GPR174: variants seen among roughly 807,000 people sequenced by gnomAD.
GPR174 encodes probable G protein-coupled receptor 174.
A neutral mutation model predicts 16.5 loss-of-function variants in GPR174; 8 were observed. That is an observed-to-expected ratio of 0.48 (90% CI 0.28 to 0.87). The LOEUF (loss-of-function observed/expected upper bound fraction) is 0.87. Ranked by LOEUF, GPR174 falls within the 40% of genes least tolerant of loss-of-function variation. The pLI, the probability that GPR174 is intolerant of heterozygous loss-of-function variation, is 0.09. For missense variants in GPR174, 214 were observed against 247.5 expected (o/e 0.86, Z 0.91); for synonymous variants, 111 against 94.8 (o/e 1.17, Z -0.99).
intron 1 of GPR174, among the ~76,000 whole-genome samples, chrX:79,155,813 G>T (rs1921082915): frequency 9.0e-6 from 1 of 111,682 alleles, no homozygotes; most frequent in Non-Finnish European, 1.9e-5. Flanking sequence ...GTGTTAAAAG[G>T]ATTAGCTTGA....
chrX:79,147,910 T>C (rs1227695644), intron 1 of GPR174, among the ~76,000 whole-genome samples: 2 of 111,921 alleles, frequency 1.8e-5, no homozygotes, highest in African/African-American at 6.5e-5. Context: ...TCTGGTATAG[T>C]CTTTGAAAGG....
At chrX:79,159,253 G>T (rs758976604) in intron 2 of GPR174, among the ~76,000 whole-genome samples, 81 of 111,345 alleles carry the variant, frequency 7.3e-4, no homozygotes, top group Non-Finnish European at 1.3e-3. Context: ...GTTAGAGAGA[G>T]AGAGTAAAAG....
At position 79,172,004 on chromosome X, in the gene GPR174, T is replaced by C. The variant is rs749519751; in HGVS notation, c.997T>C (p.Cys333Arg). Residue 333 changes from cysteine to arginine, a missense_variant, in exon 3 of 3, where the codon TGC becomes CGC. By Grantham distance (180) the Cys-to-Arg change is radical. Coordinates refer to ENST00000645147, the MANE Select transcript of GPR174 (RefSeq NM_032553.3). The stretch of plus-strand genomic sequence containing the variant: ...AGCTTCCACCATGACACCTGAATTA[T>C]GCTAAAACAAAAAACCAAACTGAAT... ...HTASTMTPELC is the reference protein window; with the variant it reads ...HTASTMTPELR 1.6e-5 allele frequency: 19 copies of C among 1,180,783 alleles called. No individual in the cohort carries two copies. Among genetic ancestry groups the C allele is most frequent in the Middle Eastern group, 2.4e-4 (1 of 4,179 alleles).
In GPR174 at chrX:79,173,732, G is replaced by T. The variant is rs1417731140; in HGVS notation, c.*1723G>T. Reference sequence around the variant, plus strand: ...TACCCTATTAGAAAACTGACTTTGTGCTGCTAGCAAGTGTATCTATGTGTC... The same window carrying T: ...TACCCTATTAGAAAACTGACTTTGTTCTGCTAGCAAGTGTATCTATGTGTC... On this transcript the variant is annotated 3_prime_UTR_variant, in exon 3 of 3. Transcript: ENST00000645147. 1 of 112,266 alleles carries T rather than the reference G, an allele frequency of 8.9e-6. No homozygotes were observed. The highest frequency in any genetic ancestry group is 1.9e-5 in the Non-Finnish European group (1 of 53,215). 9.3% of individuals were successfully genotyped at this position (112,266 alleles called of 1,213,427 possible). A position where few individuals can be genotyped will look rare whatever the true frequency, so the allele number is the denominator to read the frequency against.
chrX:79,166,427 T>A (rs1286037618), intron 2 of GPR174, among the ~76,000 whole-genome samples: 22 of 80,693 alleles, frequency 2.7e-4, no homozygotes, highest in African/African-American at 9.6e-4. Flanking sequence ...TTTCTTTTCT[T>A]TTTTCTTTTT....
chrX:79,170,119 G>A (rs1357403402), intron 2 of GPR174, among the ~76,000 whole-genome samples: 2 of 111,539 alleles, frequency 1.8e-5, no homozygotes, highest in Admixed American at 9.5e-5. Context: ...CTTCTCAAAT[G>A]TTAATACGCA....
rs1424713723 is a variant in GPR174, at chrX:79,144,996, C to CTTTCTTTCTT, written c.-874_-873insTTCTTTCTTT. 5.5e-5 allele frequency: 4 copies of CTTTCTTTCTT among 72,122 alleles called. No individual in the cohort carries two copies. Among genetic ancestry groups the CTTTCTTTCTT allele is most frequent in the Non-Finnish European group, 8.1e-5 (3 of 36,928 alleles). The allele number at this position is 72,122 out of a possible 1,213,427, so 5.9% of individuals were successfully genotyped here. On this transcript the variant is annotated 5_prime_UTR_variant, in exon 1 of 3. Transcript: ENST00000645147. ...TCTTTCTTTTTCTTTCTTTCTTTCTCTCTCTCTCTCTTTCTTTCTTTCTTT... is the reference window on the plus strand; with the variant it reads ...TCTTTCTTTTTCTTTCTTTCTTTCTCTTTCTTTCTTTCTCTCTCTCTTTCTTTCTTTCTTT...
chrX:79,150,211 C>T (rs1169837046), intron 1 of GPR174, among the ~76,000 whole-genome samples: 1 of 111,475 alleles, frequency 9.0e-6, no homozygotes, highest in Non-Finnish European at 1.9e-5. Context: ...CAGAGTAAAA[C>T]TATAGGCTAA....
At chrX:79,169,228 T>A (rs919101926) in intron 2 of GPR174, among the ~76,000 whole-genome samples, 2 of 111,824 alleles carry the variant, frequency 1.8e-5, no homozygotes, top group African/African-American at 6.5e-5. Flanking sequence ...CCAAGGAGCT[T>A]GGCATTTCCT....
rs904206735 is a variant in GPR174 at position 79,172,195 on chromosome X, T to A, written c.*186T>A. 4 of 424,188 alleles carry A rather than the reference T, an allele frequency of 9.4e-6. No individual in the cohort carries two copies. The South Asian group carries it at 2.4e-4, about 25-fold the overall frequency. The allele number at this position is 424,188 out of a possible 1,213,427, so 35.0% of individuals were successfully genotyped here. On this transcript the variant is annotated 3_prime_UTR_variant, in exon 3 of 3. Transcript: ENST00000645147. Reference sequence around the variant, plus strand: ...GAGCATTACGATCCACGATTATTGATGTTGACATGTCCATGTAGTAATTTT... The same window carrying A: ...GAGCATTACGATCCACGATTATTGAAGTTGACATGTCCATGTAGTAATTTT...
rs1262177901 is a variant in GPR174 at position 79,144,813 on chromosome X, T to A, written c.-1058T>A. On this transcript the variant is annotated 5_prime_UTR_variant, in exon 1 of 3. Coordinates refer to ENST00000645147, the MANE Select transcript of GPR174 (RefSeq NM_032553.3). ...TTCCTTTTGCTTTCATAATTTTTCTTTTGGCTTTCTTTTATTTTGTATTAT... is the reference window on the plus strand; with the variant it reads ...TTCCTTTTGCTTTCATAATTTTTCTATTGGCTTTCTTTTATTTTGTATTAT... The A allele has an allele frequency of 2.7e-5, 3 of 111,300 alleles. No homozygotes were observed. Among genetic ancestry groups the A allele is most frequent in the Non-Finnish European group, 5.7e-5 (3 of 52,908 alleles). 9.2% of individuals were successfully genotyped at this position (111,300 alleles called of 1,213,427 possible).
intron 2 of GPR174, among the ~76,000 whole-genome samples, chrX:79,169,840 G>C (rs1360211867): frequency 4.5e-5 from 5 of 111,697 alleles, no homozygotes; most frequent in African/African-American, 1.3e-4. Context: ...CCTGTAAATG[G>C]GATTATTTAA....
Position 79,174,788 on chromosome X carries a change from C to T in GPR174, c.*2779C>T, listed in dbSNP as rs1921603055. ...AGTACTGGTGCAGCTACGATCCAGA[C>T]AGCAGCCTGTTCTCTGAGCTTCTCC... is the stretch of plus-strand genomic sequence containing the variant. On this transcript the variant is annotated 3_prime_UTR_variant, in exon 3 of 3. Coordinates refer to ENST00000645147, the MANE Select transcript of GPR174 (RefSeq NM_032553.3). 9.0e-6 allele frequency: 1 copy of T among 111,341 alleles called. No homozygotes were observed. Among genetic ancestry groups the T allele is most frequent in the Non-Finnish European group, 1.9e-5 (1 of 53,067 alleles). The allele number at this position is 111,341 out of a possible 1,213,427, so 9.2% of individuals were successfully genotyped here.
chrX:79,149,137 T>C (rs1926555572), intron 1 of GPR174, among the ~76,000 whole-genome samples: 1 of 111,897 alleles, frequency 8.9e-6, no homozygotes, highest in Non-Finnish European at 1.9e-5. Flanking sequence ...TTACATTTTA[T>C]TTTAATCTAT....
At chrX:79,154,784 G>T (rs1438402219) in intron 1 of GPR174, among the ~76,000 whole-genome samples, 1 of 110,996 alleles carries the variant, frequency 9.0e-6, no homozygotes, top group East Asian at 2.8e-4. Context: ...ACTAATTAGT[G>T]ATAAGGCCAA....
At chrX:79,149,090 T>G (rs1317053615) in intron 1 of GPR174, among the ~76,000 whole-genome samples, 2 of 112,075 alleles carry the variant, frequency 1.8e-5, no homozygotes, top group Non-Finnish European at 3.8e-5. Flanking sequence ...AAATATATTA[T>G]GAGATGAAAG....
chrX:79,164,321 C>A (rs1336899866), intron 2 of GPR174, among the ~76,000 whole-genome samples: 2 of 111,236 alleles, frequency 1.8e-5, no homozygotes, highest in South Asian at 7.5e-4. Flanking sequence ...AAGAAAAAGA[C>A]CATGTAGGAG....
chrX:79,160,906 C>T (rs12687858), intron 2 of GPR174, among the ~76,000 whole-genome samples: 10,608 of 110,555 alleles, frequency 0.096, 535 homozygotes, highest in East Asian at 0.32. Flanking sequence ...ATAGGAGTGT[C>T]TCAGTTTTAG....
Position 79,174,170 on chromosome X carries a change from T to C in GPR174, c.*2161T>C, listed in dbSNP as rs181531443. The C allele has an allele frequency of 1.0e-4, 11 of 109,842 alleles. No individual in the cohort carries two copies. The East Asian group carries it at 3.2e-3, about 32-fold the overall frequency. The allele number at this position is 109,842 out of a possible 1,213,427, so 9.1% of individuals were successfully genotyped here. A position where few individuals can be genotyped will look rare whatever the true frequency, so the allele number is the denominator to read the frequency against. On this transcript the variant is annotated 3_prime_UTR_variant, in exon 3 of 3. Transcript: ENST00000645147. Reference sequence around the variant, plus strand: ...ATGGTTGAGGGTAGGGCCCATTTGTTAGGCAGCCCATTTACATCATTCCAA... The same window carrying C: ...ATGGTTGAGGGTAGGGCCCATTTGTCAGGCAGCCCATTTACATCATTCCAA...
Sources: gnomAD v4.1 joint callset for allele counts (sites outside exome capture counted in the v4.1 genomes callset) on GRCh38, gnomAD v4.1.1 for gene constraint, MANE v1.5 for transcripts, NCBI Gene and HGNC (gene_info 2026-07-23, HGNC 2026-07-21) for gene names.